The following NEURL1 variants were observed in gnomAD, a reference collection of about 807,000 sequenced individuals.
NEURL1 encodes E3 ubiquitin-protein ligase NEURL1.
In NEURL1, 26 loss-of-function variants were observed where a neutral mutation model predicts 41.2. The observed-to-expected ratio is 0.63, with a 90% confidence interval of 0.46 to 0.87. The LOEUF is 0.87. Ranked by LOEUF, NEURL1 falls within the 40% of genes least tolerant of loss-of-function variation. NEURL1 has a pLI of 0.00. For missense variants in NEURL1, 761 were observed against 871.1 expected, an observed-to-expected ratio of 0.87 and a Z score of 1.59; for synonymous variants, 400 against 402.3, an observed-to-expected ratio of 0.99 and a Z score of 0.07.
chr10:103,525,612 C>T (rs1289906257), intron 1 of NEURL1, among the ~76,000 whole-genome samples: 2 of 152,094 alleles, frequency 1.3e-5, no homozygotes, highest in Admixed American at 1.3e-4. Context: ...CCTCCTCCTC[C>T]CAAAGTGCTG....
At chr10:103,505,899 C>T (rs2033935595) in intron 1 of NEURL1, among the ~76,000 whole-genome samples, 1 of 152,184 alleles carries the variant, frequency 6.6e-6, no homozygotes, top group Non-Finnish European at 1.5e-5. Flanking sequence ...TCAGAGGTGT[C>T]CCACCCGCTT....
intron 1 of NEURL1, among the ~76,000 whole-genome samples, chr10:103,519,169 C>A (rs922586953): frequency 2.0e-5 from 3 of 152,016 alleles, no homozygotes; most frequent in African/African-American, 7.2e-5. Context: ...ATTGCTTGAA[C>A]CTGGAAGATG....
In NEURL1 at chr10:103,571,703, G is replaced by A. The variant is rs1221902361; in HGVS notation, c.530G>A (p.Arg177His). Reference protein sequence around the residue: ...IIAFWVDKKGRVFHRINDSAV... With the variant: ...IIAFWVDKKGHVFHRINDSAV... The stretch of plus-strand genomic sequence containing the variant: ...GCATTCTGGGTGGACAAGAAGGGCC[G>A]TGTCTTCCACCGCATCAACGACTCG... The change falls in exon 3 of 6, where the codon CGT (arginine) becomes CAT (histidine). Residue 177 changes from arginine (R) to histidine (H), a missense_variant. Physicochemically the swap from Arg to His is conservative, Grantham distance 29. Around this residue, in one of 5 missense-constraint regions of NEURL1, gnomAD observed 114 missense variants for 144.8 expected, o/e 0.79. Coordinates refer to ENST00000369780, the MANE Select transcript of NEURL1 (RefSeq NM_004210.5). The A allele has an allele frequency of 4.3e-6, 7 of 1,614,210 alleles. No individual in the cohort carries two copies. Among genetic ancestry groups the A allele is most frequent in the East Asian group, 2.2e-5 (1 of 44,880 alleles).
chr10:103,514,614 C>T (rs906422857), intron 1 of NEURL1, among the ~76,000 whole-genome samples: 3 of 152,176 alleles, frequency 2.0e-5, no homozygotes, highest in African/African-American at 7.2e-5. Context: ...GCAGAGAGGG[C>T]AGGGCTGGTG....
chr10:103,584,854 G>A lies in NEURL1; in HGVS notation c.968G>A (p.Arg323His), dbSNP rs2035871314. The stretch of plus-strand genomic sequence containing the variant: ...CGCGTGGAGCACGGGCGCGACGAGC[G>A]CGCGCTCGTCTTCACCAGCCGGCCC... ...VARVEHGRDERALVFTSRPVR... is the reference protein window; with the variant it reads ...VARVEHGRDEHALVFTSRPVR... Residue 323 changes from arginine (R) to histidine (H), a missense_variant, in exon 4 of 6, where the codon CGC becomes CAC. Around this residue, in one of 5 missense-constraint regions of NEURL1, gnomAD observed 443 missense variants for 408.1 expected, o/e 1.09. Transcript: ENST00000369780. 5 of 1,406,950 alleles carry A rather than the reference G, an allele frequency of 3.6e-6. No individual in the cohort carries two copies. Among genetic ancestry groups the A allele is most frequent in the African/African-American group, 1.5e-5 (1 of 65,770 alleles). 87.2% of individuals were successfully genotyped at this position (1,406,950 alleles called of 1,614,324 possible). A position where few individuals can be genotyped will look rare whatever the true frequency, so the allele number is the denominator to read the frequency against.
intron 1 of NEURL1, among the ~76,000 whole-genome samples, chr10:103,534,958 A>T (rs146777039): frequency 7.1e-4 from 108 of 152,230 alleles, no homozygotes; most frequent in African/African-American, 2.4e-3. Flanking sequence ...GAGAGGGCAC[A>T]GTACTGGCCT....
chr10:103,521,788 G>A (rs2034354855), intron 1 of NEURL1, among the ~76,000 whole-genome samples: 1 of 152,102 alleles, frequency 6.6e-6, no homozygotes, highest in Non-Finnish European at 1.5e-5. Flanking sequence ...CTGGCCATAA[G>A]GGACAGAAGT....
intron 1 of NEURL1, among the ~76,000 whole-genome samples, chr10:103,553,678 C>G (rs1371920479): frequency 6.6e-6 from 1 of 152,228 alleles, no homozygotes; most frequent in African/African-American, 2.4e-5. Flanking sequence ...GGCTCAGGAC[C>G]CAGTCCAGTC....
Position 103,584,960 on chromosome 10 carries a change from C to G in NEURL1, c.1074C>G (p.Thr358=), listed in dbSNP as rs1214048058. 1.3e-6 allele frequency: 2 copies of G among 1,514,016 alleles called. No individual in the cohort carries two copies. The highest frequency in any genetic ancestry group is 1.8e-6 in the Non-Finnish European group (2 of 1,140,322). The allele number at this position is 1,514,016 out of a possible 1,614,324, so 93.8% of individuals were successfully genotyped here. Residue 358 remains threonine, a synonymous_variant, in exon 4 of 6, where the codon ACC becomes ACG. Transcript: ENST00000369780. ...ARPGALSFGV[T]TCDPGTLRPA... is the part of the protein sequence containing the mutation. ...CCGGCGCGCTGTCGTTCGGCGTCACCACGTGCGACCCCGGCACGCTGCGGC... is the reference window on the plus strand; with the variant it reads ...CCGGCGCGCTGTCGTTCGGCGTCACGACGTGCGACCCCGGCACGCTGCGGC...
At chr10:103,577,148 C>A (rs1462031299) in intron 3 of NEURL1, among the ~76,000 whole-genome samples, 1 of 152,200 alleles carries the variant, frequency 6.6e-6, no homozygotes, top group Non-Finnish European at 1.5e-5. Context: ...TGATGATTTT[C>A]ATTTCTTTTT....
In NEURL1 at chr10:103,590,134, G is replaced by A. The variant is rs1468876579; in HGVS notation, c.1487G>A (p.Gly496Glu). ...SSGPLGSSAG[G>E]TAPNSPVSLP... ...CTGACTGGTGCCCCCTTGTCCTCAGGGACAGCCCCCAATTCGCCAGTGAGC... is the reference window on the plus strand; with the variant it reads ...CTGACTGGTGCCCCCTTGTCCTCAGAGACAGCCCCCAATTCGCCAGTGAGC... Residue 496 changes from glycine to glutamate, a missense_variant and splice_region_variant, in exon 6 of 6, where the codon GGG becomes GAG. Coordinates refer to ENST00000369780, the MANE Select transcript of NEURL1 (RefSeq NM_004210.5). The A allele has an allele frequency of 6.2e-7, 1 of 1,613,466 alleles. No individual in the cohort carries two copies. Among genetic ancestry groups the A allele is most frequent in the Non-Finnish European group, 8.5e-7 (1 of 1,180,016 alleles).
In NEURL1 at chr10:103,589,560, C is replaced by T. The variant is rs1165428372; in HGVS notation, c.1386C>T (p.Ser462=). The change falls in exon 5 of 6, where the codon TCC becomes TCT. Residue 462 remains serine, a synonymous_variant. Coordinates refer to ENST00000369780, the MANE Select transcript of NEURL1 (RefSeq NM_004210.5). ...GGGGTATCCCATCACTCCCCTGCTC[C>T]CCTGCCTCCACGCCAACCTCGCCCA... ...AERGIPSLPC[S]PASTPTSPSA... 1 of 1,613,876 alleles carries T rather than the reference C, an allele frequency of 6.2e-7. No individual in the cohort carries two copies. The highest frequency in any genetic ancestry group is 8.5e-7 in the Non-Finnish European group (1 of 1,179,952).
At chr10:103,523,472 G>T (rs943317769) in intron 1 of NEURL1, among the ~76,000 whole-genome samples, 13 of 151,126 alleles carry the variant, frequency 8.6e-5, no homozygotes, top group South Asian at 4.2e-4. Context: ...AAAAAGAAAA[G>T]AAAAAGAAAA....
In NEURL1 at chr10:103,556,665, A is replaced by G. The variant is rs550857601; in HGVS notation, c.86-14207A>G. On this transcript the variant is annotated intron_variant, in intron 1 of 5. Coordinates refer to ENST00000369780, the MANE Select transcript of NEURL1 (RefSeq NM_004210.5). This position sits in a 1 kb window ranked among gnomAD's most constrained non-coding sequence, Gnocchi z 4.4. ...AAATCATTGGCTCTCTTAAAAGGAA[A>G]TGAATTCCGTCCTGGGTTTGGAGGG... Among the ~76,000 whole-genome samples the G allele has an allele frequency of 2.0e-5, 3 of 152,344 alleles. No homozygotes were observed. Among genetic ancestry groups the G allele is most frequent in the East Asian group, 1.9e-4 (1 of 5,182 alleles).
In NEURL1 at chr10:103,571,567, C is replaced by T. The variant is rs373648203; in HGVS notation, c.394C>T (p.Arg132Cys). Residue 132 changes from arginine to cysteine, a missense_variant, in exon 3 of 6, where the codon CGC becomes TGC. Physicochemically the swap from Arg to Cys is radical, Grantham distance 180 (BLOSUM62 -3). This residue lies in a region of NEURL1 where 65 missense variants were observed against 131.6 expected (regional missense o/e 0.49). Coordinates refer to ENST00000369780, the MANE Select transcript of NEURL1 (RefSeq NM_004210.5). ...GGGCTTCACCAGCAAGGACCCGTCC[C>T]GCATCCACCCTGACTCGCTGCCCAA... Reference protein sequence around the residue: ...RLGFTSKDPSRIHPDSLPKYA... With the variant: ...RLGFTSKDPSCIHPDSLPKYA... 1.2e-4 allele frequency: 191 copies of T among 1,613,242 alleles called. 1 individual carries two copies. The highest frequency in any genetic ancestry group is 1.6e-4 in the Non-Finnish European group (186 of 1,179,976).
At chr10:103,527,280 C>T (rs2034479682) in intron 1 of NEURL1, among the ~76,000 whole-genome samples, 2 of 142,082 alleles carry the variant, frequency 1.4e-5, no homozygotes, top group Admixed American at 1.5e-4. Flanking sequence ...TTTTATTGCA[C>T]TTTTTTTCTT....
At chr10:103,569,679 G>C (rs1399417577) in intron 1 of NEURL1, among the ~76,000 whole-genome samples, 1 of 152,200 alleles carries the variant, frequency 6.6e-6, no homozygotes, top group East Asian at 1.9e-4. Flanking sequence ...AGCATTTCCA[G>C]CCCTCATAGC....
rs984952683 is a variant in NEURL1, at chr10:103,589,660, G to T, written c.1486G>T (p.Gly496Trp). 6.2e-7 allele frequency: 1 copy of T among 1,607,256 alleles called. No individual in the cohort carries two copies. The highest frequency in any genetic ancestry group is 8.5e-7 in the Non-Finnish European group (1 of 1,176,042). The change falls in exon 5 of 6, where the codon GGG (glycine) becomes TGG (tryptophan). Residue 496 changes from glycine (G) to tryptophan (W), a missense_variant and splice_region_variant. Physicochemically the swap from Gly to Trp is radical, Grantham distance 184 (BLOSUM62 -2). Coordinates refer to ENST00000369780, the MANE Select transcript of NEURL1 (RefSeq NM_004210.5). ...TGGCCCTCTGGGTAGCTCTGCTGGT[G>T]GTAAGTAGGCTGGCTCCTCTGTTCC... ...SSGPLGSSAG[G>W]TAPNSPVSLP...
Position 103,493,855 on chromosome 10 carries a change from C to G in NEURL1, c.-533C>G, listed in dbSNP as rs2033612813. ...TCGGGGGACACCAGCTGCGTCGGAG[C>G]GCCCAGAACGCCCCGCGCTCCGCCG... On this transcript the variant is annotated 5_prime_UTR_variant, in exon 1 of 6. Transcript: ENST00000369780. 1 of 151,706 alleles carries G rather than the reference C, an allele frequency of 6.6e-6. No individual in the cohort carries two copies. The highest frequency in any genetic ancestry group is 1.5e-5 in the Non-Finnish European group (1 of 67,900). The allele number at this position is 151,706 out of a possible 1,614,324, so 9.4% of individuals were successfully genotyped here. A position where few individuals can be genotyped will look rare whatever the true frequency, so the allele number is the denominator to read the frequency against.
Sources: allele counts gnomAD v4.1 joint callset (sites outside exome capture counted in the v4.1 genomes callset), GRCh38; gene constraint gnomAD v4.1.1; regional missense constraint gnomAD v4.1.1; non-coding constraint Gnocchi (gnomAD v3.1); transcripts MANE v1.5; gene names NCBI Gene and HGNC (gene_info 2026-07-23, HGNC 2026-07-21).